Variants in ZNF236 observed in about 807,000 individuals in gnomAD.
ZNF236 encodes the protein zinc finger protein 236, also known as regulated by glucose.
ZNF236 carries 50 observed loss-of-function variants against 191.2 expected under a neutral mutation model. That is an observed-to-expected ratio of 0.26 (90% CI 0.21 to 0.33). The LOEUF is 0.33. Ranked by LOEUF, ZNF236 falls within the 10% of genes least tolerant of loss-of-function variation. The pLI, the probability that ZNF236 is intolerant of heterozygous loss-of-function variation, is 1.00. For synonymous variants in ZNF236, 907 were observed against 928.8 expected, an observed-to-expected ratio of 0.98 and a Z score of 0.43; for missense variants, 1,754 against 2,374.5, an observed-to-expected ratio of 0.74 and a Z score of 5.43.
At chr18:76,835,164 G>C (rs986323127) in intron 1 of ZNF236, among the ~76,000 whole-genome samples, 6 of 152,088 alleles carry the variant, frequency 3.9e-5, no homozygotes, top group African/African-American at 1.4e-4. Flanking sequence ...ATTATTTTCT[G>C]ATTTCTATTG....
chr18:76,896,146 A>G (rs1393921889), intron 10 of ZNF236, among the ~76,000 whole-genome samples: 1 of 151,982 alleles, frequency 6.6e-6, no homozygotes, highest in Non-Finnish European at 1.5e-5. Flanking sequence ...GCAGTGCTGC[A>G]CCCACACAGG....
At chr18:76,857,076 G>A (rs1237364189) in intron 3 of ZNF236, among the ~76,000 whole-genome samples, 1 of 151,990 alleles carries the variant, frequency 6.6e-6, no homozygotes, top group Admixed American at 6.6e-5. Flanking sequence ...CACTTCTCTC[G>A]CAGGGCTTCC....
rs779713506 is a variant in ZNF236 at position 76,905,389 on chromosome 18, T to C, written c.2271T>C (p.Asn757=). The change falls in exon 13 of 31, where the codon AAT becomes AAC. Residue 757 remains asparagine (N), a synonymous_variant. Transcript: ENST00000320610. ...YCQKTFKTSL[N]CKKHMKTHRY... is the part of the protein sequence containing the mutation. ...AAAAAACATTTAAGACTTCACTAAA[T>C]TGCAAAAAGCACATGAAAACCCACA... is the stretch of plus-strand genomic sequence containing the variant. 6.2e-7 allele frequency: 1 copy of C among 1,614,096 alleles called. No individual in the cohort carries two copies. The highest frequency in any genetic ancestry group is 1.7e-5 in the Admixed American group (1 of 60,018).
rs754608399 is a variant in ZNF236 at position 76,895,320 on chromosome 18, G to A, written c.1690+35G>A. ...CAGGGCTGGGCCCACACGGGCACTG[G>A]CCACGGGGGCCACACACATTACTGC... On this transcript the variant is annotated intron_variant, in intron 10 of 30. Transcript: ENST00000320610. 3 of 1,592,332 alleles carry A rather than the reference G, an allele frequency of 1.9e-6. No homozygotes were observed. The Admixed American group carries it at 5.0e-5, about 27-fold the overall frequency.
intron 5 of ZNF236, among the ~76,000 whole-genome samples, chr18:76,872,817 C>T (rs558224791): frequency 5.9e-5 from 9 of 152,268 alleles, no homozygotes; most frequent in Admixed American, 4.6e-4. Flanking sequence ...TTCTGTATTT[C>T]TTGATTTGGT....
chr18:76,948,213 G>C (rs1192174957), intron 27 of ZNF236, among the ~76,000 whole-genome samples: 3 of 152,160 alleles, frequency 2.0e-5, no homozygotes, highest in Non-Finnish European at 4.4e-5. Flanking sequence ...AAAGTTTCCA[G>C]GGTCAGAATT....
At position 76,875,721 on chromosome 18, in the gene ZNF236, G is replaced by T; in HGVS notation, c.840+57G>T. The T allele has an allele frequency of 1.5e-6, 2 of 1,351,002 alleles. No individual in the cohort carries two copies. 83.7% of individuals were successfully genotyped at this position (1,351,002 alleles called of 1,614,324 possible). On this transcript the variant is annotated intron_variant, in intron 6 of 30. Transcript: ENST00000320610. The surrounding 1 kb of genome is among the most constrained non-coding windows in gnomAD (Gnocchi z 4.3). ...TCACAGGGGACAGTAGGTATCTTTT[G>T]GGTTAATAAACGGACCTGAGAAATT...
chr18:76,849,452 C>T, intron 1 of ZNF236, 74 bp from the exon 2 acceptor site: 2 of 1,289,254 alleles, frequency 1.6e-6, no homozygotes, highest in Non-Finnish European at 2.1e-6. Flanking sequence ...TAAACAATAA[C>T]CAATAATTTG....
At chr18:76,894,434 A>C (rs1331139194) in intron 9 of ZNF236, among the ~76,000 whole-genome samples, 1 of 152,158 alleles carries the variant, frequency 6.6e-6, no homozygotes, top group Non-Finnish European at 1.5e-5. Flanking sequence ...CTATATTTCC[A>C]TCAATTTGTG....
At chr18:76,838,966 T>G (rs1315190862) in intron 1 of ZNF236, among the ~76,000 whole-genome samples, 1 of 152,244 alleles carries the variant, frequency 6.6e-6, no homozygotes, top group Non-Finnish European at 1.5e-5. Context: ...TTTAACTTTT[T>G]AAATAAAATG....
intron 1 of ZNF236, among the ~76,000 whole-genome samples, chr18:76,847,785 A>G (rs1170870046): frequency 1.3e-5 from 2 of 152,174 alleles, no homozygotes; most frequent in Non-Finnish European, 2.9e-5. Context: ...CCCAGCAATC[A>G]TTTGATTTGG....
chr18:76,826,920 C>CA (rs1284616050), intron 1 of ZNF236, among the ~76,000 whole-genome samples: 1 of 149,762 alleles, frequency 6.7e-6, no homozygotes, highest in Non-Finnish European at 1.5e-5. Context: ...TTTTTTGAGA[C>CA]AGAGTTTTGC....
chr18:76,824,063 A>T, intron 1 of ZNF236: 1 of 491,302 alleles, frequency 2.0e-6, no homozygotes, highest in Non-Finnish European at 3.7e-6. Flanking sequence ...TGTTTAGCTT[A>T]GTGACTCAAG....
chr18:76,881,387 T>C lies in ZNF236; in HGVS notation c.1292T>C (p.Val431Ala). The C allele has an allele frequency of 2.5e-6, 4 of 1,614,024 alleles. No individual in the cohort carries two copies. The highest frequency in any genetic ancestry group is 2.7e-5 in the African/African-American group (2 of 74,974). The part of the protein sequence containing the change: ...TSAPHAQNPD[V>A]SSVSNEQTDP... ...GCACCACACGCTCAAAACCCAGATG[T>C]TTCCAGCGTTTCAAATGAGCAGACG... Residue 431 changes from valine (V) to alanine (A), a missense_variant, in exon 9 of 31, where the codon GTT (valine) becomes GCT (alanine). Transcript: ENST00000320610.
chr18:76,927,503 C>G lies in ZNF236; in HGVS notation c.4400C>G (p.Thr1467Ser). The change falls in exon 24 of 31, where the codon ACC becomes AGC. Residue 1467 changes from threonine (T) to serine (S), a missense_variant. Coordinates refer to ENST00000320610, the MANE Select transcript of ZNF236 (RefSeq NM_001306089.2). This position sits in a 1 kb window ranked among gnomAD's most constrained non-coding sequence, Gnocchi z 5.4. Reference sequence around the variant, plus strand: ...CTGTCTGAGCAGGATTCAGTGCTGACCACTAACAGCAGTGGTAAGAGCCAC... The same window carrying G: ...CTGTCTGAGCAGGATTCAGTGCTGAGCACTAACAGCAGTGGTAAGAGCCAC... ...GPLSEQDSVL[T>S]TNSSGTQDLT... 4.3e-6 allele frequency: 7 copies of G among 1,613,974 alleles called. No individual in the cohort carries two copies. The highest frequency in any genetic ancestry group is 5.9e-6 in the Non-Finnish European group (7 of 1,179,990).
chr18:76,847,647 C>T (rs8094089), intron 1 of ZNF236, among the ~76,000 whole-genome samples: 67,527 of 151,638 alleles, frequency 0.45, 15,110 homozygotes, highest in Middle Eastern at 0.51. Context: ...TTCTGTGTGT[C>T]TTTAGTAGAG....
At chr18:76,870,918 CAG>C (rs1254554196) in intron 4 of ZNF236, among the ~76,000 whole-genome samples, 1 of 152,114 alleles carries the variant, frequency 6.6e-6, no homozygotes, top group Non-Finnish European at 1.5e-5. Context: ...ATGGTGTGAC[CAG>C]ACTTTCGGGT....
At position 76,895,110 on chromosome 18, in the gene ZNF236, C is replaced by G; in HGVS notation, c.1515C>G (p.Ile505Met). 1 of 1,611,874 alleles carries G rather than the reference C, an allele frequency of 6.2e-7. No homozygotes were observed. The highest frequency in any genetic ancestry group is 1.3e-5 in the African/African-American group (1 of 75,066). Residue 505 changes from isoleucine to methionine, a missense_variant, in exon 10 of 31, where the codon ATC becomes ATG. Physicochemically the swap from Ile to Met is conservative, Grantham distance 10. Coordinates refer to ENST00000320610, the MANE Select transcript of ZNF236 (RefSeq NM_001306089.2). Reference protein sequence around the residue: ...KPSDLVRHIRIHTHEKPFKCP... With the variant: ...KPSDLVRHIRMHTHEKPFKCP... ...GCGACCTGGTCCGCCACATCCGCAT[C>G]CACACCCACGAGAAGCCCTTCAAGT...
At chr18:76,861,411 T>C (rs1326985531) in intron 3 of ZNF236, among the ~76,000 whole-genome samples, 1 of 152,158 alleles carries the variant, frequency 6.6e-6, no homozygotes, top group Non-Finnish European at 1.5e-5. Context: ...TCACATTCAG[T>C]TGGGTAGAAC....
Sources: allele counts gnomAD v4.1 joint callset (sites outside exome capture counted in the v4.1 genomes callset), GRCh38; gene constraint gnomAD v4.1.1; non-coding constraint Gnocchi (gnomAD v3.1); transcripts MANE v1.5; gene names NCBI Gene and HGNC (gene_info 2026-07-23, HGNC 2026-07-21).